Variants in EDIL3 observed in about 807,000 individuals in gnomAD.
EDIL3 encodes EGF like and discoidin domains 3.
EDIL3 carries 37 observed loss-of-function variants against 67.4 expected under a neutral mutation model. The observed-to-expected ratio is 0.55, with a 90% CI of 0.42 to 0.72. The LOEUF is 0.72. EDIL3 is among the 30% of genes least tolerant of loss of function. The pLI is 0.00. For synonymous variants in EDIL3, 195 were observed against 196.3 expected, an observed-to-expected ratio of 0.99 and a Z score of 0.05; for missense variants, 527 against 586.3, an observed-to-expected ratio of 0.90 and a Z score of 1.04.
intron 9 of EDIL3, among the ~76,000 whole-genome samples, chr5:84,035,874 C>T (rs757632832): frequency 5.9e-5 from 9 of 152,284 alleles, no homozygotes; most frequent in South Asian, 2.1e-4. Context: ...TACCAGTATA[C>T]ACATTTTAAT....
intron 9 of EDIL3, chr5:84,047,764 C>G (rs2112220683): frequency 6.6e-6 from 1 of 151,902 alleles, no homozygotes; most frequent in South Asian, 2.1e-4. Flanking sequence ...ATTTGTCAGC[C>G]CTCACATCTA....
chr5:84,214,583 C>T (rs1744188946), intron 3 of EDIL3, among the ~76,000 whole-genome samples: 1 of 152,022 alleles, frequency 6.6e-6, no homozygotes, highest in South Asian at 2.1e-4. Context: ...AGGAGAGTTG[C>T]CTGTAATTTA....
At chr5:84,308,599 ATTAAAT>A (rs1489849878) in intron 1 of EDIL3, among the ~76,000 whole-genome samples, 8 of 152,196 alleles carry the variant, frequency 5.3e-5, no homozygotes, top group African/African-American at 1.9e-4. Context: ...CATGTACAAA[ATTAAAT>A]TTAGTACTCT....
intron 1 of EDIL3, among the ~76,000 whole-genome samples, chr5:84,330,149 G>A (rs965122637): frequency 2.0e-5 from 3 of 152,062 alleles, no homozygotes; most frequent in African/African-American, 7.2e-5. Flanking sequence ...AAATAAATGT[G>A]AAAAATAAGT....
intron 1 of EDIL3, among the ~76,000 whole-genome samples, chr5:84,345,437 G>A (rs979568831): frequency 6.6e-6 from 1 of 152,052 alleles, no homozygotes; most frequent in Non-Finnish European, 1.5e-5. Context: ...TAAAAGCTAT[G>A]ACTTAGGTTG....
intron 5 of EDIL3, among the ~76,000 whole-genome samples, chr5:84,113,671 C>T (rs959258584): frequency 1.3e-5 from 2 of 152,286 alleles, no homozygotes; most frequent in Admixed American, 6.5e-5. Flanking sequence ...AGATGTCTCG[C>T]ATCTTGTTCC....
intron 1 of EDIL3, among the ~76,000 whole-genome samples, chr5:84,317,021 A>T (rs1746528324): frequency 6.6e-6 from 1 of 152,202 alleles, no homozygotes; most frequent in Non-Finnish European, 1.5e-5. Flanking sequence ...TTGCGTAAAT[A>T]ATGAAATGCA....
chr5:83,990,623 G>A (rs1235830922), intron 9 of EDIL3, among the ~76,000 whole-genome samples: 2 of 152,018 alleles, frequency 1.3e-5, no homozygotes, highest in Admixed American at 6.6e-5. Context: ...GCTCACGCCT[G>A]TAATCCCAGC....
intron 3 of EDIL3, among the ~76,000 whole-genome samples, chr5:84,184,298 T>C (rs1235725928): frequency 6.6e-6 from 1 of 152,078 alleles, no homozygotes; most frequent in African/African-American, 2.4e-5. Flanking sequence ...ATGACCTAAA[T>C]GGATCTGCGA....
At chr5:84,173,290 G>A (rs1318082272) in intron 4 of EDIL3, among the ~76,000 whole-genome samples, 3 of 152,070 alleles carry the variant, frequency 2.0e-5, no homozygotes, top group East Asian at 1.9e-4. Context: ...GTTGGTGGGC[G>A]GCTTCTGACC....
intron 1 of EDIL3, among the ~76,000 whole-genome samples, chr5:84,263,412 G>C (rs1282281561): frequency 6.6e-6 from 1 of 152,162 alleles, no homozygotes; most frequent in Non-Finnish European, 1.5e-5. Context: ...GCCTGAAGTA[G>C]GTTAAAGAAT....
chr5:84,146,397 A>G (rs1323626775), intron 4 of EDIL3, among the ~76,000 whole-genome samples: 1 of 152,104 alleles, frequency 6.6e-6, no homozygotes, highest in Non-Finnish European at 1.5e-5. Flanking sequence ...ACTAGGGAAT[A>G]TTAGTACTCC....
At chr5:84,336,227 A>T (rs190265126) in intron 1 of EDIL3, among the ~76,000 whole-genome samples, 36 of 152,356 alleles carry the variant, frequency 2.4e-4, no homozygotes, top group African/African-American at 7.7e-4. Context: ...AGCATGTTCA[A>T]TGACAAGTAT....
chr5:84,052,721 C>T (rs1471352253), intron 9 of EDIL3, among the ~76,000 whole-genome samples: 3 of 152,202 alleles, frequency 2.0e-5, no homozygotes, highest in Non-Finnish European at 4.4e-5. Flanking sequence ...AAGGCCATTA[C>T]ATAACGGTGA....
intron 9 of EDIL3, among the ~76,000 whole-genome samples, chr5:84,041,764 G>A (rs1029379217): frequency 1.3e-5 from 2 of 151,136 alleles, no homozygotes; most frequent in South Asian, 2.1e-4. Flanking sequence ...ATTCATTACC[G>A]TGTATTACAG....
chr5:84,152,067 G>A (rs1017227966), intron 4 of EDIL3, among the ~76,000 whole-genome samples: 1 of 151,844 alleles, frequency 6.6e-6, no homozygotes, highest in African/African-American at 2.4e-5. Context: ...TTACAAGCAT[G>A]AGCCACCATG....
At chr5:84,226,566 T>A (rs1744456221) in intron 3 of EDIL3, among the ~76,000 whole-genome samples, 1 of 151,838 alleles carries the variant, frequency 6.6e-6, no homozygotes, top group Non-Finnish European at 1.5e-5. Context: ...AATGTTTTAA[T>A]TTACTCTTTT....
intron 9 of EDIL3, among the ~76,000 whole-genome samples, chr5:84,052,566 C>G (rs1304770563): frequency 6.6e-6 from 1 of 152,116 alleles, no homozygotes; most frequent in Non-Finnish European, 1.5e-5. Context: ...GGAAACCCAT[C>G]TCACGTGCAG....
At chr5:83,998,695 G>A (rs1287260816) in intron 9 of EDIL3, among the ~76,000 whole-genome samples, 1 of 152,192 alleles carries the variant, frequency 6.6e-6, no homozygotes, top group Non-Finnish European at 1.5e-5. Flanking sequence ...CCTGGGGCAA[G>A]AAGGCAACCT....
Sources: allele counts gnomAD v4.1 joint callset (sites outside exome capture counted in the v4.1 genomes callset), GRCh38; gene constraint gnomAD v4.1.1; transcripts MANE v1.5; gene names NCBI Gene and HGNC (gene_info 2026-07-23, HGNC 2026-07-21).